Variants in RNLS observed in about 807,000 individuals in gnomAD.
RNLS encodes renalase.
Under a neutral mutation model 39.8 loss-of-function variants are expected in RNLS, and 39 were observed. That is an observed-to-expected ratio of 0.98 (90% confidence interval 0.76 to 1.28). The LOEUF (loss-of-function observed/expected upper bound fraction) is 1.28, where lower values mean the gene tolerates loss of function less well. Ranked by LOEUF, RNLS falls within the 50% of genes most tolerant of loss-of-function variation. The probability of loss-of-function intolerance (pLI) is 0.00; values close to 1 mark genes in which losing one functional copy is unlikely to be tolerated. For synonymous variants in RNLS, 147 were observed against 150.7 expected, an observed-to-expected ratio of 0.98 and a Z score of 0.18; for missense variants, 410 against 413.3, an observed-to-expected ratio of 0.99 and a Z score of 0.07.
At chr10:88,280,256 A>G (rs550450795), downstream of RNLS, among the ~76,000 whole-genome samples, 1 of 152,318 alleles carries the variant, frequency 6.6e-6, no homozygotes, top group Admixed American at 6.5e-5. Context: ...TGCCGATGAC[A>G]AAGGAAGCTA....
At chr10:88,215,150 TTAC>T in the RNLS span, among the ~76,000 whole-genome samples, 1 of 151,434 alleles carries the variant, frequency 6.6e-6, no homozygotes, top group Middle Eastern at 3.2e-3. Flanking sequence ...ATTATTATTA[TTAC>T]TATTACTAGT....
chr10:88,418,356 G>T (rs1362393242), intron 4 of RNLS, among the ~76,000 whole-genome samples: 2 of 152,060 alleles, frequency 1.3e-5, no homozygotes, highest in Non-Finnish European at 2.9e-5. Context: ...TTGAAACTTG[G>T]ATCTAACCTT....
intron 4 of RNLS, among the ~76,000 whole-genome samples, chr10:88,498,839 G>A (rs1408048494): frequency 1.3e-5 from 2 of 152,002 alleles, no homozygotes. Context: ...GGTGAAAGAT[G>A]TATAGGAATT....
At chr10:88,198,090 A>T in the RNLS span, among the ~76,000 whole-genome samples, 8 of 152,226 alleles carry the variant, frequency 5.3e-5, no homozygotes, top group African/African-American at 1.2e-4. Context: ...CACCTCTAGC[A>T]GATGTTGAAC....
At chr10:88,277,352 T>C (rs557540765) in intron 6 of RNLS, among the ~76,000 whole-genome samples, 1 of 152,016 alleles carries the variant, frequency 6.6e-6, no homozygotes, top group Non-Finnish European at 1.5e-5. Flanking sequence ...GGGGGAGGGA[T>C]AGCATTGGGA....
intron 4 of RNLS, among the ~76,000 whole-genome samples, chr10:88,395,398 T>G (rs10887813): frequency 0.62 from 93,878 of 151,582 alleles, 29,333 homozygotes; most frequent in African/African-American, 0.71. Context: ...GATCAATAAA[T>G]AGATAGAAAT....
chr10:88,223,689 T>C, the RNLS span, among the ~76,000 whole-genome samples: 1 of 152,160 alleles, frequency 6.6e-6, no homozygotes, highest in Non-Finnish European at 1.5e-5. Flanking sequence ...TAGAGATAGA[T>C]TTGTGAGGGA....
At chr10:88,259,876 G>C in the RNLS span, among the ~76,000 whole-genome samples, 4 of 151,978 alleles carry the variant, frequency 2.6e-5, no homozygotes, top group Non-Finnish European at 5.9e-5. Context: ...CCCAACTCTA[G>C]GACTACAGGT....
the RNLS span, among the ~76,000 whole-genome samples, chr10:88,192,529 A>T: frequency 8.5e-5 from 13 of 152,252 alleles, no homozygotes; most frequent in Admixed American, 7.2e-4. Flanking sequence ...TTGAAACTTC[A>T]TCAGAGACTA....
the RNLS span, among the ~76,000 whole-genome samples, chr10:88,242,308 T>A: frequency 6.6e-6 from 1 of 152,220 alleles, no homozygotes; most frequent in Non-Finnish European, 1.5e-5. Flanking sequence ...TTTAGGCCAA[T>A]ATTTTCTTCT....
intron 5 of RNLS, among the ~76,000 whole-genome samples, chr10:88,345,659 G>A (rs1298424741): frequency 1.3e-5 from 2 of 152,134 alleles, no homozygotes. Context: ...TGCCAGGCAT[G>A]ATATTAGAAG....
chr10:88,551,519 T>A (rs919013928), intron 4 of RNLS, among the ~76,000 whole-genome samples: 11 of 152,208 alleles, frequency 7.2e-5, no homozygotes, highest in Non-Finnish European at 8.8e-5. Context: ...TCATTGGGCA[T>A]ATGGATTTGA....
Position 88,415,481 on chromosome 10 carries a change from T to C in RNLS, c.527-52756A>G, listed in dbSNP as rs1853959381. Among the ~76,000 whole-genome samples the C allele has an allele frequency of 2.6e-5, 4 of 152,100 alleles. No individual in the cohort carries two copies. The South Asian group carries it at 6.2e-4, about 24-fold the overall frequency. On this transcript the variant is annotated intron_variant, in intron 4 of 6. Transcript: ENST00000331772. ...CTGGTGCTTTTTTAAATGACTTTTTTCCCCCCTCAACAAACTGGTCAATAT... is the reference window on the plus strand; with the variant it reads ...CTGGTGCTTTTTTAAATGACTTTTTCCCCCCCTCAACAAACTGGTCAATAT...
At chr10:88,203,389 C>T in the RNLS span, among the ~76,000 whole-genome samples, 2 of 6,600 alleles carry the variant, frequency 3.0e-4, 1 homozygote, top group Non-Finnish European at 6.1e-4. Flanking sequence ...TATATATACA[C>T]GTATGTGTAT....
chr10:88,349,308 A>G (rs1848514584), intron 5 of RNLS, among the ~76,000 whole-genome samples: 1 of 152,128 alleles, frequency 6.6e-6, no homozygotes, highest in African/African-American at 2.4e-5. Flanking sequence ...TGCAAGTGAG[A>G]GGGCAAATGT....
At chr10:88,580,134 G>A (rs892804250) in intron 3 of RNLS, among the ~76,000 whole-genome samples, 1 of 152,152 alleles carries the variant, frequency 6.6e-6, no homozygotes, top group Non-Finnish European at 1.5e-5. Context: ...GGATCACCCT[G>A]CAGATCTTGG....
chr10:88,203,362 GTGTGTGTATATA>G, the RNLS span, among the ~76,000 whole-genome samples: 92 of 2,480 alleles, frequency 0.037, 28 homozygotes, highest in Non-Finnish European at 0.06. Flanking sequence ...ATATACGTAT[GTGTGTGTATATA>G]TATATATATA....
the RNLS span, among the ~76,000 whole-genome samples, chr10:88,266,733 A>C: frequency 2.1e-5 from 3 of 142,966 alleles, no homozygotes; most frequent in African/African-American, 7.8e-5. Flanking sequence ...ACACACACAC[A>C]CACCCCACAC....
intron 4 of RNLS, among the ~76,000 whole-genome samples, chr10:88,408,449 TGAAAA>T (rs1443319018): frequency 1.3e-5 from 2 of 151,976 alleles, no homozygotes; most frequent in African/African-American, 2.4e-5. Context: ...AGTGCCCTAA[TGAAAA>T]GAAGTCAAAA....
Sources: gnomAD v4.1 joint callset for allele counts (sites outside exome capture counted in the v4.1 genomes callset) on GRCh38, gnomAD v4.1.1 for gene constraint, MANE v1.5 for transcripts, NCBI Gene and HGNC (gene_info 2026-07-23, HGNC 2026-07-21) for gene names.